CNTNAP2: variants seen among roughly 807,000 people sequenced by gnomAD.
The protein encoded by CNTNAP2 is contactin-associated protein-like 2.
In CNTNAP2, 98 loss-of-function variants were observed where a neutral mutation model predicts 155.2. The ratio of observed to expected loss-of-function variants is 0.63; its 90% CI spans 0.54 to 0.75. The LOEUF (loss-of-function observed/expected upper bound fraction) is 0.75. CNTNAP2 is among the 30% of genes least tolerant of loss of function. CNTNAP2 has a pLI of 0.00. For missense variants in CNTNAP2, 1,727 were observed against 1,688.1 expected (o/e 1.02, Z -0.40); for synonymous variants, 651 against 631.2 (o/e 1.03, Z -0.47).
At chr7:146,372,509 T>C (rs1402506575) in intron 1 of CNTNAP2, among the ~76,000 whole-genome samples, 1 of 152,198 alleles carries the variant, frequency 6.6e-6, no homozygotes, top group Non-Finnish European at 1.5e-5. Flanking sequence ...CAAATAAAAG[T>C]TTATTGAAAA....
At chr7:147,299,833 G>A (rs945642932) in intron 8 of CNTNAP2, among the ~76,000 whole-genome samples, 21 of 152,280 alleles carry the variant, frequency 1.4e-4, no homozygotes, top group African/African-American at 4.6e-4. Flanking sequence ...TGTAATCCCA[G>A]CACTTTGGGA....
rs1585097558 is a variant in CNTNAP2 at position 148,050,238 on chromosome 7, TA to T, written c.2384-67879del. ...ATTCCAGAAGAAGGCATTGTTACCA[TA>T]GGAGCTGGCAGCTCTGTGTGTGTCA... On this transcript the variant is annotated intron_variant, in intron 15 of 23. Coordinates refer to ENST00000361727, the MANE Select transcript of CNTNAP2 (RefSeq NM_014141.6). Among the ~76,000 whole-genome samples the T allele has an allele frequency of 2.0e-5, 3 of 152,292 alleles. No homozygotes were observed. In the East Asian group the frequency reaches 5.8e-4, roughly 29 times the overall value.
chr7:147,121,991 C>T (rs1206702214), intron 6 of CNTNAP2: 1 of 152,014 alleles, frequency 6.6e-6, no homozygotes, highest in Non-Finnish European at 1.5e-5. Flanking sequence ...GCCGGACAAA[C>T]ATGGTGAAAC....
intron 15 of CNTNAP2, among the ~76,000 whole-genome samples, chr7:148,058,052 C>A (rs115534243): frequency 0.012 from 1,850 of 151,414 alleles, 44 homozygotes; most frequent in African/African-American, 0.043. Context: ...TTCACAGAGT[C>A]AAGTTTATTG....
intron 15 of CNTNAP2, among the ~76,000 whole-genome samples, chr7:147,989,727 T>G (rs977329054): frequency 6.6e-6 from 1 of 152,214 alleles, no homozygotes; most frequent in Non-Finnish European, 1.5e-5. Flanking sequence ...CCAGGGACAA[T>G]GTCCTTCCAC....
intron 15 of CNTNAP2, among the ~76,000 whole-genome samples, chr7:148,066,779 T>G (rs1380995089): frequency 6.6e-6 from 1 of 152,162 alleles, no homozygotes; most frequent in Admixed American, 6.6e-5. Context: ...ATTACAGGCG[T>G]GAGCCACCGC....
At chr7:147,156,482 G>A (rs997149072) in intron 8 of CNTNAP2, among the ~76,000 whole-genome samples, 3 of 152,126 alleles carry the variant, frequency 2.0e-5, no homozygotes, top group African/African-American at 7.2e-5. Flanking sequence ...TATTACAATG[G>A]TCTTTGCCCT....
chr7:146,335,534 G>T (rs1343989063), intron 1 of CNTNAP2, among the ~76,000 whole-genome samples: 2 of 152,172 alleles, frequency 1.3e-5, no homozygotes, highest in Non-Finnish European at 2.9e-5. Context: ...GAGCCCTTTG[G>T]ACTGTTGTTC....
chr7:147,857,077 G>A (rs1454437845), intron 13 of CNTNAP2, among the ~76,000 whole-genome samples: 1 of 152,168 alleles, frequency 6.6e-6, no homozygotes, highest in Non-Finnish European at 1.5e-5. Context: ...CATAACCCAG[G>A]CTGTGTTTTC....
intron 11 of CNTNAP2, among the ~76,000 whole-genome samples, chr7:147,527,937 A>C (rs189854790): frequency 2.0e-5 from 3 of 152,310 alleles, no homozygotes; most frequent in African/African-American, 7.2e-5. Context: ...AAAAAAGTGC[A>C]TTGATAGGGA....
chr7:147,526,190 T>TCAA (rs1799315977), intron 11 of CNTNAP2, among the ~76,000 whole-genome samples: 1 of 115,022 alleles, frequency 8.7e-6, no homozygotes, highest in African/African-American at 3.3e-5. Context: ...AGACTCCATC[T>TCAA]CAAAAAAAAA....
At chr7:147,871,120 G>A (rs1488841340) in intron 13 of CNTNAP2, among the ~76,000 whole-genome samples, 1 of 152,042 alleles carries the variant, frequency 6.6e-6, no homozygotes, top group Non-Finnish European at 1.5e-5. Flanking sequence ...GAGCAGTTTG[G>A]TAATATTTTG....
intron 1 of CNTNAP2, among the ~76,000 whole-genome samples, chr7:146,347,855 G>A (rs904968518): frequency 4.6e-5 from 7 of 152,010 alleles, no homozygotes; most frequent in East Asian, 1.9e-4. Context: ...TGTGAGCCAC[G>A]CATTTTCTTC....
chr7:147,002,717 G>A (rs1189116110), intron 3 of CNTNAP2, among the ~76,000 whole-genome samples: 1 of 151,832 alleles, frequency 6.6e-6, no homozygotes, highest in Non-Finnish European at 1.5e-5. Flanking sequence ...TTGCTTTCTG[G>A]CTGATAGATG....
chr7:146,548,335 T>C (rs981868534), intron 1 of CNTNAP2, among the ~76,000 whole-genome samples: 1 of 152,086 alleles, frequency 6.6e-6, no homozygotes, highest in Non-Finnish European at 1.5e-5. Context: ...CCTTGGTGTA[T>C]GTGTACCACA....
intron 1 of CNTNAP2, among the ~76,000 whole-genome samples, chr7:146,538,229 A>C (rs1563125714): frequency 6.6e-6 from 1 of 152,130 alleles, no homozygotes; most frequent in Non-Finnish European, 1.5e-5. Flanking sequence ...GGCTATATTA[A>C]TCAACTTTAA....
chr7:146,308,516 GAC>G (rs1239111590), intron 1 of CNTNAP2, among the ~76,000 whole-genome samples: 2 of 151,864 alleles, frequency 1.3e-5, no homozygotes, highest in Non-Finnish European at 2.9e-5. Flanking sequence ...CTGCTATGAA[GAC>G]ACATGCACAT....
intron 3 of CNTNAP2, among the ~76,000 whole-genome samples, chr7:146,986,014 T>C (rs1372275099): frequency 2.0e-5 from 3 of 152,192 alleles, no homozygotes; most frequent in African/African-American, 7.2e-5. Flanking sequence ...ATTTTTTTTA[T>C]TTCCATAGGT....
At chr7:146,596,601 G>GAA (rs1798863320) in intron 1 of CNTNAP2, among the ~76,000 whole-genome samples, 1 of 77,108 alleles carries the variant, frequency 1.3e-5, no homozygotes, top group Non-Finnish European at 2.9e-5. Context: ...GAGACAGAGA[G>GAA]AGAGAGAGAG....
Sources: gnomAD v4.1 joint callset for allele counts (sites outside exome capture counted in the v4.1 genomes callset) on GRCh38, gnomAD v4.1.1 for gene constraint, MANE v1.5 for transcripts, NCBI Gene and HGNC (gene_info 2026-07-23, HGNC 2026-07-21) for gene names.